AGBL1: variants seen among roughly 807,000 people sequenced by gnomAD.
AGBL1 encodes the protein AGBL carboxypeptidase 1.
In AGBL1, 130 loss-of-function variants were observed where a neutral mutation model predicts 118.9. The ratio of observed to expected loss-of-function variants is 1.09; its 90% CI spans 0.95 to 1.26. The LOEUF (loss-of-function observed/expected upper bound fraction) is 1.26, where lower values mean the gene tolerates loss of function less well. AGBL1 is among the 50% of genes most tolerant of loss of function. AGBL1 has a pLI of 0.00. For synonymous variants in AGBL1, 555 were observed against 478.9 expected, an observed-to-expected ratio of 1.16 and a Z score of -2.08; for missense variants, 1,584 against 1,298.1, an observed-to-expected ratio of 1.22 and a Z score of -3.38.
intron 23 of AGBL1, among the ~76,000 whole-genome samples, chr15:86,987,350 G>A (rs139717270): frequency 0.014 from 2,080 of 152,106 alleles, 40 homozygotes; most frequent in African/African-American, 0.046. Flanking sequence ...ACATTGTTTT[G>A]CATACATAAG....
intron 22 of AGBL1, among the ~76,000 whole-genome samples, chr15:86,721,267 C>T (rs1465619887): frequency 7.9e-5 from 12 of 152,104 alleles, no homozygotes; most frequent in Non-Finnish European, 1.2e-4. Flanking sequence ...ACTGGCAAAC[C>T]GAATCCAGCA....
chr15:86,304,492 A>G (rs577552807), intron 17 of AGBL1, among the ~76,000 whole-genome samples: 2 of 152,290 alleles, frequency 1.3e-5, no homozygotes, highest in African/African-American at 4.8e-5. Flanking sequence ...ACTGAGCTCC[A>G]TGAAAGCACA....
chr15:86,534,576 C>T (rs2083397863), intron 19 of AGBL1, among the ~76,000 whole-genome samples: 1 of 152,156 alleles, frequency 6.6e-6, no homozygotes. Context: ...TTCCCATTTT[C>T]TTTAACCCAG....
intron 22 of AGBL1, among the ~76,000 whole-genome samples, chr15:86,762,197 A>G (rs1230843855): frequency 2.0e-5 from 3 of 152,046 alleles, no homozygotes; most frequent in East Asian, 1.9e-4. Context: ...GGAGGGGAAC[A>G]TCACACAGTG....
At chr15:86,904,623 A>G (rs2080256922) in intron 22 of AGBL1, among the ~76,000 whole-genome samples, 3 of 148,336 alleles carry the variant, frequency 2.0e-5, no homozygotes, top group Admixed American at 1.4e-4. Context: ...TATCTATTAT[A>G]TTTATTTTGT....
At chr15:86,405,655 C>T (rs1431243028) in intron 18 of AGBL1, among the ~76,000 whole-genome samples, 1 of 152,034 alleles carries the variant, frequency 6.6e-6, no homozygotes, top group Non-Finnish European at 1.5e-5. Context: ...AAGAGATGTA[C>T]TCAGTAAAAT....
intron 5 of AGBL1, among the ~76,000 whole-genome samples, chr15:86,182,428 A>G (rs751637767): frequency 1.3e-5 from 2 of 151,994 alleles, no homozygotes; most frequent in Non-Finnish European, 2.9e-5. Context: ...AAAGTATCTA[A>G]CTATATATTT....
intron 1 of AGBL1, among the ~76,000 whole-genome samples, chr15:86,123,335 G>T (rs970373486): frequency 2.0e-5 from 3 of 152,124 alleles, no homozygotes; most frequent in Admixed American, 6.5e-5. Context: ...TGCCTCCCAG[G>T]TTCAAGCAAT....
At chr15:86,474,587 C>A (rs997158212) in intron 18 of AGBL1, among the ~76,000 whole-genome samples, 35 of 152,220 alleles carry the variant, frequency 2.3e-4, no homozygotes, top group African/African-American at 8.2e-4. Flanking sequence ...GAAGCTCGAA[C>A]TGGGTGGAGC....
intron 21 of AGBL1, among the ~76,000 whole-genome samples, chr15:86,631,321 A>G (rs1228039071): frequency 1.3e-5 from 2 of 152,078 alleles, no homozygotes; most frequent in African/African-American, 4.8e-5. Context: ...AAAAAAAGTC[A>G]TATTCATTGA....
chr15:86,655,972 A>C (rs150317786), intron 21 of AGBL1, among the ~76,000 whole-genome samples: 1 of 152,320 alleles, frequency 6.6e-6, no homozygotes, highest in East Asian at 1.9e-4. Context: ...CAGTCTCCTC[A>C]TGTGTAAAAT....
At chr15:86,137,626 A>AT (rs34959975) in intron 1 of AGBL1, among the ~76,000 whole-genome samples, 5 of 151,528 alleles carry the variant, frequency 3.3e-5, no homozygotes, top group Non-Finnish European at 7.4e-5. Context: ...CTGGAGAAAA[A>AT]TTTTTTCCAA....
chr15:86,187,166 T>C (rs1444358213), intron 5 of AGBL1, among the ~76,000 whole-genome samples: 1 of 152,198 alleles, frequency 6.6e-6, no homozygotes, highest in South Asian at 2.1e-4. Context: ...GTTAACAAGA[T>C]TGTACATAGT....
chr15:86,201,746 T>C (rs2077910506), intron 5 of AGBL1, among the ~76,000 whole-genome samples: 1 of 152,202 alleles, frequency 6.6e-6, no homozygotes, highest in Admixed American at 6.5e-5. Flanking sequence ...CTTGGGAATC[T>C]AGGGCATCCT....
intron 22 of AGBL1, among the ~76,000 whole-genome samples, chr15:86,686,161 G>T (rs1186422373): frequency 6.6e-6 from 1 of 152,110 alleles, no homozygotes; most frequent in Non-Finnish European, 1.5e-5. Flanking sequence ...GATTTTTTAG[G>T]TCTACATGAT....
chr15:86,413,401 A>G (rs2081648253), intron 18 of AGBL1, among the ~76,000 whole-genome samples: 1 of 152,140 alleles, frequency 6.6e-6, no homozygotes, highest in Non-Finnish European at 1.5e-5. Flanking sequence ...AAGACAGATA[A>G]CGCAGGATTG....
At chr15:86,659,271 T>C (rs767684209) in intron 21 of AGBL1, among the ~76,000 whole-genome samples, 25 of 152,310 alleles carry the variant, frequency 1.6e-4, no homozygotes, top group Admixed American at 8.5e-4. Flanking sequence ...TTGGTGTTAC[T>C]TTGCTTATTA....
At chr15:86,132,299 C>G (rs1486061910) in intron 1 of AGBL1, among the ~76,000 whole-genome samples, 1 of 152,046 alleles carries the variant, frequency 6.6e-6, no homozygotes, top group African/African-American at 2.4e-5. Flanking sequence ...GAGGAGCCTC[C>G]CTGTCCTGAA....
At chr15:86,139,350 C>T (rs1489862723) in intron 1 of AGBL1, among the ~76,000 whole-genome samples, 1 of 152,054 alleles carries the variant, frequency 6.6e-6, no homozygotes, top group Non-Finnish European at 1.5e-5. Context: ...GCAGAGATCC[C>T]TTAGAGTTTT....
Sources: allele counts gnomAD v4.1 joint callset (sites outside exome capture counted in the v4.1 genomes callset), GRCh38; gene constraint gnomAD v4.1.1; transcripts MANE v1.5; gene names NCBI Gene and HGNC (gene_info 2026-07-23, HGNC 2026-07-21).